The following SEMA5A variants were observed in gnomAD, a reference collection of about 807,000 sequenced individuals.
The protein encoded by SEMA5A is semaphorin 5A, also known as semaphorin-5A.
SEMA5A carries 55 observed loss-of-function variants against 135.5 expected under a neutral mutation model. That is an observed-to-expected ratio of 0.41 (90% CI 0.33 to 0.51). The LOEUF is 0.51. SEMA5A is among the 20% of genes least tolerant of loss of function. The pLI is 0.37. For missense variants in SEMA5A, 1,290 were observed against 1,419.9 expected (o/e 0.91, Z 1.47); for synonymous variants, 580 against 546.5 (o/e 1.06, Z -0.85).
chr5:9,359,415 A>G (rs1754594662), intron 3 of SEMA5A, among the ~76,000 whole-genome samples: 2 of 152,198 alleles, frequency 1.3e-5, no homozygotes. Flanking sequence ...TGAACTTGAC[A>G]TTGCTATGCT....
chr5:9,296,840 T>G (rs183771528), intron 5 of SEMA5A, among the ~76,000 whole-genome samples: 34 of 142,350 alleles, frequency 2.4e-4, no homozygotes, highest in African/African-American at 9.0e-4. Flanking sequence ...GAAAGGAGGG[T>G]AAGGGGAAGG....
At chr5:9,359,330 TAA>T (rs1404513506) in intron 3 of SEMA5A, among the ~76,000 whole-genome samples, 13 of 152,230 alleles carry the variant, frequency 8.5e-5, no homozygotes, top group Non-Finnish European at 1.8e-4. Flanking sequence ...TACAATTTTA[TAA>T]AGACTGAATG....
At chr5:9,384,555 G>GATAC (rs1265865781) in intron 2 of SEMA5A, among the ~76,000 whole-genome samples, 4 of 121,888 alleles carry the variant, frequency 3.3e-5, no homozygotes, top group South Asian at 2.8e-4. Flanking sequence ...TAGATAGATA[G>GATAC]ATAGATAGAT....
intron 5 of SEMA5A, among the ~76,000 whole-genome samples, chr5:9,313,582 C>A (rs1752240395): frequency 6.6e-6 from 1 of 152,070 alleles, no homozygotes; most frequent in East Asian, 1.9e-4. Flanking sequence ...TCATCTAATT[C>A]TGAACATATA....
intron 21 of SEMA5A, among the ~76,000 whole-genome samples, chr5:9,047,043 A>AAAGT (rs1267240297): frequency 6.8e-6 from 1 of 147,374 alleles, no homozygotes; most frequent in Non-Finnish European, 1.5e-5. Context: ...ACAGACAGAT[A>AAAGT]AAGTATCCAG....
intron 11 of SEMA5A, among the ~76,000 whole-genome samples, chr5:9,171,618 A>G (rs1204241477): frequency 1.3e-5 from 2 of 152,180 alleles, no homozygotes; most frequent in Non-Finnish European, 2.9e-5. Context: ...TTTATGATCT[A>G]TGAGGAATCT....
At chr5:9,202,656 C>G (rs1745781289) in intron 8 of SEMA5A, among the ~76,000 whole-genome samples, 2 of 152,222 alleles carry the variant, frequency 1.3e-5, no homozygotes, top group South Asian at 4.1e-4. Flanking sequence ...TAGCAGTCTA[C>G]AATCCTATTT....
intron 3 of SEMA5A, among the ~76,000 whole-genome samples, chr5:9,339,136 G>A (rs1199655620): frequency 1.3e-5 from 2 of 152,116 alleles, no homozygotes; most frequent in African/African-American, 4.8e-5. Context: ...CAAGGCAATG[G>A]AACTATGAAA....
At position 9,154,542 on chromosome 5, in the gene SEMA5A, C is replaced by A. The variant is rs746586459; in HGVS notation, c.1427G>T (p.Arg476Leu). 3 of 1,612,604 alleles carry A rather than the reference C, an allele frequency of 1.9e-6. No individual in the cohort carries two copies. The highest frequency in any genetic ancestry group is 1.3e-5 in the African/African-American group (1 of 74,830). Residue 476 changes from arginine (R) to leucine (L), a missense_variant, in exon 12 of 23, where the codon CGG becomes CTG. Arg to Leu is a moderately radical substitution (Grantham distance 102, BLOSUM62 -2). Coordinates refer to ENST00000382496, the MANE Select transcript of SEMA5A (RefSeq NM_003966.3). Reference protein sequence around the residue: ...HSQSVLFVGLREHVVKIPLKR... With the variant: ...HSQSVLFVGLLEHVVKIPLKR... ...CAGGGGGATCTTGACCACGTGCTCC[C>A]GCAGGCCCACGAACAGGACACTCTG... is the stretch of plus-strand genomic sequence containing the variant.
At chr5:9,163,958 C>A (rs1743439488) in intron 11 of SEMA5A, among the ~76,000 whole-genome samples, 1 of 143,058 alleles carries the variant, frequency 7.0e-6, no homozygotes, top group Non-Finnish European at 1.5e-5. Flanking sequence ...TTATGGCAGT[C>A]CCAGCAATAT....
intron 12 of SEMA5A, among the ~76,000 whole-genome samples, chr5:9,148,227 C>T (rs1218923699): frequency 6.6e-6 from 1 of 152,106 alleles, no homozygotes; most frequent in Admixed American, 6.6e-5. Flanking sequence ...AAATGAAATA[C>T]CTAATTTTCT....
At chr5:9,154,373 C>T (rs1185935130) in intron 12 of SEMA5A, 115 bp downstream of exon 12, 7 of 805,248 alleles carry the variant, frequency 8.7e-6, no homozygotes, top group African/African-American at 1.7e-5. Flanking sequence ...CTCTCAGAGG[C>T]ATGAAGGGTG....
chr5:9,162,550 ATGTGTGTGTGTGTG>A (rs201253805), intron 11 of SEMA5A, among the ~76,000 whole-genome samples: 1 of 51,664 alleles, frequency 1.9e-5, no homozygotes, highest in African/African-American at 6.2e-5. Flanking sequence ...GTGTGTATAT[ATGTGTGTGTGTGTG>A]TATATATATA....
chr5:9,496,745 T>C (rs1735323385), intron 1 of SEMA5A, among the ~76,000 whole-genome samples: 1 of 152,188 alleles, frequency 6.6e-6, no homozygotes, highest in Non-Finnish European at 1.5e-5. Context: ...TCCTGGAGTA[T>C]TCAATTACCT....
intron 5 of SEMA5A, among the ~76,000 whole-genome samples, chr5:9,273,677 C>T (rs533603039): frequency 3.3e-5 from 5 of 152,118 alleles, no homozygotes; most frequent in African/African-American, 4.8e-5. Flanking sequence ...GGAGTGGGGG[C>T]CAATATTCAA....
At chr5:9,164,444 C>T (rs796783357) in intron 11 of SEMA5A, among the ~76,000 whole-genome samples, 9 of 151,248 alleles carry the variant, frequency 6.0e-5, no homozygotes, top group East Asian at 3.9e-4. Flanking sequence ...AATTCTAATA[C>T]GGAAGCATTA....
intron 5 of SEMA5A, among the ~76,000 whole-genome samples, chr5:9,288,406 T>TTTC (rs1750907520): frequency 6.6e-6 from 1 of 152,162 alleles, no homozygotes; most frequent in Admixed American, 6.5e-5. Flanking sequence ...CAGCTCGGAC[T>TTTC]TCCCTCCCCT....
At chr5:9,280,864 A>C in intron 5 of SEMA5A, 1 of 405,494 alleles carries the variant, frequency 2.5e-6, no homozygotes, top group Admixed American at 2.9e-5. Flanking sequence ...AAATAACAAT[A>C]AATAATTGTA....
intron 1 of SEMA5A, among the ~76,000 whole-genome samples, chr5:9,493,624 A>C (rs268498): frequency 2.0e-5 from 3 of 152,184 alleles, no homozygotes; most frequent in African/African-American, 7.2e-5. Context: ...GATTAAAGTT[A>C]TTTTCCTCCC....
Sources: gnomAD v4.1 joint callset for allele counts (sites outside exome capture counted in the v4.1 genomes callset) on GRCh38, gnomAD v4.1.1 for gene constraint, MANE v1.5 for transcripts, NCBI Gene and HGNC (gene_info 2026-07-23, HGNC 2026-07-21) for gene names.